The following TMEM269 variants were observed in gnomAD, a reference collection of about 807,000 sequenced individuals.
TMEM269 encodes transmembrane protein 269.
A neutral mutation model predicts 15.8 loss-of-function variants in TMEM269; 12 were observed. That is an observed-to-expected ratio of 0.76 (90% CI 0.49 to 1.23). The LOEUF is 1.23. TMEM269 is among the 50% of genes most tolerant of loss of function. The probability of loss-of-function intolerance (pLI) is 0.00; values close to 1 mark genes in which losing one functional copy is unlikely to be tolerated. For missense variants in TMEM269, 211 were observed against 245.4 expected (o/e 0.86, Z 0.94); for synonymous variants, 93 against 99.3 (o/e 0.94, Z 0.38).
rs936261313 is a variant in TMEM269, at chr1:42,794,441, C to T, written c.312C>T (p.Pro104=). 3 of 1,550,512 alleles carry T rather than the reference C, an allele frequency of 1.9e-6. No individual in the cohort carries two copies. The highest frequency in any genetic ancestry group is 1.4e-5 in the African/African-American group (1 of 73,044). The change falls in exon 5 of 6, where the codon CCC becomes CCT. Residue 104 remains proline (P), a synonymous_variant. Transcript: ENST00000637012. ...TCCCCTCCACATACAAGGGTCTACC[C>T]TGCCCCTATGCTTCCTGCATCTTGG... The part of the protein sequence containing the change: ...PGVPSTYKGL[P]CPYASCILAS...
intron 3 of TMEM269, 119 bp downstream of exon 3, chr1:42,793,021 C>T: frequency 1.3e-6 from 1 of 792,382 alleles, no homozygotes. Flanking sequence ...CTGTTCACAC[C>T]CCGCTGAGAG....
rs1653511816 is a variant in TMEM269, at chr1:42,785,021, G to A, written c.-160G>A. ...TGGCCCCCTCCACCGCACAGGAAACGGGGCAGGAGGGCGGACCCCCATCTC... is the reference window on the plus strand; with the variant it reads ...TGGCCCCCTCCACCGCACAGGAAACAGGGCAGGAGGGCGGACCCCCATCTC... On this transcript the variant is annotated 5_prime_UTR_variant, in exon 1 of 6. Transcript: ENST00000637012. The A allele has an allele frequency of 6.6e-6, 1 of 152,534 alleles. No individual in the cohort carries two copies. Among genetic ancestry groups the A allele is most frequent in the African/African-American group, 2.4e-5 (1 of 41,470 alleles). The allele number at this position is 152,534 out of a possible 1,614,324, so 9.4% of individuals were successfully genotyped here.
At chr1:42,787,563 G>T (rs1653565850) in intron 1 of TMEM269, among the ~76,000 whole-genome samples, 1 of 125,164 alleles carries the variant, frequency 8.0e-6, no homozygotes, top group Non-Finnish European at 1.6e-5. Context: ...TTGTGCCACT[G>T]CAGTCCGCAG....
chr1:42,792,717 A>G (rs1653718931), intron 2 of TMEM269, 88 bp from the exon 3 acceptor site: 2 of 765,666 alleles, frequency 2.6e-6, no homozygotes, highest in African/African-American at 1.7e-5. Flanking sequence ...ATTAGTGTAT[A>G]CTAATATACT....
rs1290973278 is a variant in TMEM269, at chr1:42,789,898, T to C, written c.5T>C (p.Val2Ala). 1 of 1,550,714 alleles carries C rather than the reference T, an allele frequency of 6.4e-7. No homozygotes were observed. Among genetic ancestry groups the C allele is most frequent in the Admixed American group, 2.0e-5 (1 of 51,004 alleles). Residue 2 changes from valine to alanine, a missense_variant, in exon 2 of 6, where the codon GTG becomes GCG. Transcript: ENST00000637012. Reference sequence around the variant, plus strand: ...AGTGCCTTATCTCTGGCCAACATGGTGCTGGGGCTCTTCTCCATCATCTTC... The same window carrying C: ...AGTGCCTTATCTCTGGCCAACATGGCGCTGGGGCTCTTCTCCATCATCTTC... M[V>A]LGLFSIIFSF...
Position 42,789,786 on chromosome 1 carries a change from T to C in TMEM269, c.-98-10T>C. 6.9e-7 allele frequency: 1 copy of C among 1,447,932 alleles called. No individual in the cohort carries two copies. The highest frequency in any genetic ancestry group is 1.4e-5 in the African/African-American group (1 of 70,992). The allele number at this position is 1,447,932 out of a possible 1,614,324, so 89.7% of individuals were successfully genotyped here. A position where few individuals can be genotyped will look rare whatever the true frequency, so the allele number is the denominator to read the frequency against. ...TTGGGAACCCTTCGCCCCTCTCTCT[T>C]GGGCCCCAGGTAAGGGTACCAGTTT... On this transcript the variant is annotated splice_polypyrimidine_tract_variant and intron_variant, in intron 1 of 5. Transcript: ENST00000637012.
chr1:42,794,179 C>A (rs1359498502), intron 4 of TMEM269, among the ~76,000 whole-genome samples: 1 of 152,088 alleles, frequency 6.6e-6, no homozygotes, highest in Non-Finnish European at 1.5e-5. Context: ...CAGAGACTTC[C>A]TAGGAGCCAG....
intron 1 of TMEM269, among the ~76,000 whole-genome samples, chr1:42,785,572 G>C (rs1343435608): frequency 6.6e-6 from 1 of 151,780 alleles, no homozygotes; most frequent in Non-Finnish European, 1.5e-5. Context: ...GCCGCCCTGC[G>C]CTTCCTGCCC....
Position 42,789,774 on chromosome 1 carries a change from G to A in TMEM269, c.-98-22G>A, listed in dbSNP as rs756028109. The A allele has an allele frequency of 3.4e-5, 45 of 1,341,610 alleles. No homozygotes were observed. The South Asian group carries it at 3.8e-4, about 11-fold the overall frequency. 83.1% of individuals were successfully genotyped at this position (1,341,610 alleles called of 1,614,324 possible). The stretch of plus-strand genomic sequence containing the variant: ...GACTCCTTAACCTTGGGAACCCTTC[G>A]CCCCTCTCTCTTGGGCCCCAGGTAA... On this transcript the variant is annotated intron_variant, in intron 1 of 5. Coordinates refer to ENST00000637012, the MANE Select transcript of TMEM269 (RefSeq NM_001354602.2).
chr1:42,797,894 C>G lies in TMEM269; in HGVS notation c.485-204C>G. Reference sequence around the variant, plus strand: ...GAATTTGACACAGTGGAACCTGAGACTGCATTGGGCTATACTTCTCTAGTT... The same window carrying G: ...GAATTTGACACAGTGGAACCTGAGAGTGCATTGGGCTATACTTCTCTAGTT... On this transcript the variant is annotated intron_variant, in intron 5 of 5. Transcript: ENST00000637012. This position sits in a 1 kb window ranked among gnomAD's most constrained non-coding sequence, Gnocchi z 4.9. 1 of 688,528 alleles carries G rather than the reference C, an allele frequency of 1.5e-6. No homozygotes were observed. The highest frequency in any genetic ancestry group is 2.7e-6 in the Non-Finnish European group (1 of 368,296). The allele number at this position is 688,528 out of a possible 1,614,324, so 42.7% of individuals were successfully genotyped here.
chr1:42,791,490 C>G (rs948004670), intron 2 of TMEM269, among the ~76,000 whole-genome samples: 3 of 151,946 alleles, frequency 2.0e-5, no homozygotes, highest in Non-Finnish European at 4.4e-5. Flanking sequence ...AGAAGTCTCA[C>G]GAAACATTGA....
intron 5 of TMEM269, 79 bp downstream of exon 5, chr1:42,794,692 T>C (rs1653762797): frequency 1.1e-6 from 1 of 947,504 alleles, no homozygotes; most frequent in Non-Finnish European, 1.6e-6. Context: ...CATTTTTCTA[T>C]CTCTCTTATT....
At position 42,793,703 on chromosome 1, in the gene TMEM269, A is replaced by C; in HGVS notation, c.242A>C (p.Tyr81Ser). The stretch of plus-strand genomic sequence containing the variant: ...CTGAGTGGGATCCTGGCCATCATCT[A>C]TGTGTCAGCTGCTTCTTTCCACTTG... ...GLLSGILAII[Y>S]VSAASFHLCF... The change falls in exon 4 of 6, where the codon TAT becomes TCT. Residue 81 changes from tyrosine to serine, a missense_variant. Tyr to Ser is a moderately radical substitution (Grantham distance 144). Transcript: ENST00000637012. 6.4e-7 allele frequency: 1 copy of C among 1,550,552 alleles called. No individual in the cohort carries two copies. The highest frequency in any genetic ancestry group is 8.7e-7 in the Non-Finnish European group (1 of 1,146,948).
At position 42,794,619 on chromosome 1, in the gene TMEM269, T is replaced by C; in HGVS notation, c.484+6T>C. The C allele has an allele frequency of 6.5e-7, 1 of 1,527,106 alleles. No homozygotes were observed. The highest frequency in any genetic ancestry group is 8.9e-7 in the Non-Finnish European group (1 of 1,125,502). The allele number at this position is 1,527,106 out of a possible 1,614,324, so 94.6% of individuals were successfully genotyped here. ...AAAATTGGTTTATATAGGAGGTGAG[T>C]GAAAATGTCACTATGGCCAGTTTGT... On this transcript the variant is annotated splice_donor_region_variant and intron_variant, in intron 5 of 5. Coordinates refer to ENST00000637012, the MANE Select transcript of TMEM269 (RefSeq NM_001354602.2).
At position 42,789,866 on chromosome 1, in the gene TMEM269, T is replaced by G. The variant is rs527301602; in HGVS notation, c.-28T>G. 3.2e-6 allele frequency: 5 copies of G among 1,550,790 alleles called. No homozygotes were observed. Among genetic ancestry groups the G allele is most frequent in the Non-Finnish European group, 4.4e-6 (5 of 1,147,060 alleles). On this transcript the variant is annotated 5_prime_UTR_variant, in exon 2 of 6. It removes an upstream start codon present in the reference 5' UTR. Coordinates refer to ENST00000637012, the MANE Select transcript of TMEM269 (RefSeq NM_001354602.2). Reference sequence around the variant, plus strand: ...AGATAAATGAGGTTTCCTGGAAGGATGTTACCAGTGCCTTATCTCTGGCCA... The same window carrying G: ...AGATAAATGAGGTTTCCTGGAAGGAGGTTACCAGTGCCTTATCTCTGGCCA...
intron 4 of TMEM269, among the ~76,000 whole-genome samples, chr1:42,794,079 G>A (rs1653749844): frequency 6.6e-6 from 1 of 152,222 alleles, no homozygotes; most frequent in Non-Finnish European, 1.5e-5. Flanking sequence ...ATGCTCCAGT[G>A]AGGGAAATTG....
chr1:42,786,910 G>A (rs1653551335), intron 1 of TMEM269, among the ~76,000 whole-genome samples: 1 of 152,188 alleles, frequency 6.6e-6, no homozygotes, highest in African/African-American at 2.4e-5. Flanking sequence ...GCTGCAAACA[G>A]CATTTAACTG....
chr1:42,786,751 T>TA (rs904256070), intron 1 of TMEM269, among the ~76,000 whole-genome samples: 1 of 152,232 alleles, frequency 6.6e-6, no homozygotes, highest in Admixed American at 6.5e-5. Flanking sequence ...CCTTTGGTCT[T>TA]AATCTTCTCT....
chr1:42,789,518 G>A (rs767187254), intron 1 of TMEM269: 1 of 1,532,678 alleles, frequency 6.5e-7, no homozygotes, highest in Non-Finnish European at 8.7e-7. Flanking sequence ...TGTCTGTGCT[G>A]TGGGGCAAAG....
Sources: gnomAD v4.1 joint callset for allele counts (sites outside exome capture counted in the v4.1 genomes callset) on GRCh38, gnomAD v4.1.1 for gene constraint, Gnocchi (gnomAD v3.1) non-coding constraint, MANE v1.5 for transcripts, NCBI Gene and HGNC (gene_info 2026-07-23, HGNC 2026-07-21) for gene names.